The following TLE3 variants were observed in gnomAD, a reference collection of about 807,000 sequenced individuals.
The protein encoded by TLE3 is transducin-like enhancer protein 3.
TLE3 carries 14 observed loss-of-function variants against 93.0 expected under a neutral mutation model. The ratio of observed to expected loss-of-function variants is 0.15; its 90% CI spans 0.10 to 0.24. TLE3 has a LOEUF of 0.24. Among genes scored for constraint, TLE3 ranks in the 10% least tolerant of loss-of-function variants. TLE3 has a pLI of 1.00. For synonymous variants in TLE3, 451 were observed against 425.0 expected, an observed-to-expected ratio of 1.06 and a Z score of -0.75; for missense variants, 693 against 1,046.6, an observed-to-expected ratio of 0.66 and a Z score of 4.66.
At chr15:70,075,783 A>C (rs1274534997) in intron 5 of TLE3, among the ~76,000 whole-genome samples, 1 of 152,122 alleles carries the variant, frequency 6.6e-6, no homozygotes, top group Non-Finnish European at 1.5e-5. Flanking sequence ...TGGGGATGCT[A>C]GTTTGGATGG....
At chr15:70,072,813 A>G (rs1595934813) in intron 6 of TLE3, among the ~76,000 whole-genome samples, 1 of 152,240 alleles carries the variant, frequency 6.6e-6, no homozygotes, top group Admixed American at 6.5e-5. Context: ...ACAGGATGGC[A>G]AAGAATGATC....
chr15:70,096,414 A>AG (rs915765594), intron 1 of TLE3, 153 bp from the exon 2 acceptor site: 66 of 1,350,548 alleles, frequency 4.9e-5, no homozygotes, highest in Middle Eastern at 2.6e-4. Context: ...GACGGGGCGG[A>AG]GGGGGGGCGC....
At chr15:70,095,199 G>A (rs909148116) in intron 3 of TLE3, among the ~76,000 whole-genome samples, 5 of 152,208 alleles carry the variant, frequency 3.3e-5, no homozygotes, top group African/African-American at 1.2e-4. Context: ...CTCCCAGGAG[G>A]TCACTAAGAG....
At position 70,097,813 on chromosome 15, in the gene TLE3, CACCA is replaced by C. The variant is rs1219889973; in HGVS notation, c.-1019_-1016del. On this transcript the variant is annotated 5_prime_UTR_variant, in exon 1 of 20. Transcript: ENST00000451782. ...ACACGCGCGCACGCACACACACACA[CACCA>C]AAAAAAAAAGTGCCCCGGACCTACG... is the stretch of plus-strand genomic sequence containing the variant. 1.6e-3 allele frequency: 312 copies of C among 192,620 alleles called. 1 individual carries two copies. Among genetic ancestry groups the C allele is most frequent in the African/African-American group, 0.013 (96 of 7,394 alleles). 11.9% of individuals were successfully genotyped at this position (192,620 alleles called of 1,614,324 possible). A position where few individuals can be genotyped will look rare whatever the true frequency, so the allele number is the denominator to read the frequency against.
rs377334738 is a variant in TLE3, at chr15:70,095,911, C to T, written c.125+250G>A. The T allele has an allele frequency of 7.9e-6, 5 of 629,264 alleles. No individual in the cohort carries two copies. In the East Asian group the frequency reaches 1.1e-4, roughly 14 times the overall value. The allele number at this position is 629,264 out of a possible 1,614,324, so 39.0% of individuals were successfully genotyped here. A position where few individuals can be genotyped will look rare whatever the true frequency, so the allele number is the denominator to read the frequency against. On this transcript the variant is annotated intron_variant, in intron 2 of 19. Transcript: ENST00000451782. ...ACGCTGGCTCCCGACACCCAGAACCCGGAGTGAACCCGCTCGCCGCGACCT... is the reference window on the plus strand; with the variant it reads ...ACGCTGGCTCCCGACACCCAGAACCTGGAGTGAACCCGCTCGCCGCGACCT...
rs764204610 is a variant in TLE3 at position 70,058,136 on chromosome 15, C to A, written c.1051+23G>T. On this transcript the variant is annotated intron_variant, in intron 12 of 19. Coordinates refer to ENST00000451782, the MANE Select transcript of TLE3 (RefSeq NM_001105192.3). The surrounding 1 kb of genome is among the most constrained non-coding windows in gnomAD (Gnocchi z 4.1). Reference sequence around the variant, plus strand: ...CCTCCCCCCAATCAGATTAACCCAGCCCATGGTGCCTACCCATTATACCTA... The same window carrying A: ...CCTCCCCCCAATCAGATTAACCCAGACCATGGTGCCTACCCATTATACCTA... 24 of 1,613,770 alleles carry A rather than the reference C, an allele frequency of 1.5e-5. No individual in the cohort carries two copies. The highest frequency in any genetic ancestry group is 1.9e-5 in the Non-Finnish European group (22 of 1,179,832).
At chr15:70,060,103 T>C (rs907378070) in intron 9 of TLE3, among the ~76,000 whole-genome samples, 1 of 152,138 alleles carries the variant, frequency 6.6e-6, no homozygotes, top group East Asian at 1.9e-4. Flanking sequence ...GGCATCCCAT[T>C]AAAAGGCTAG....
At chr15:70,092,075 C>A (rs756355332) in intron 4 of TLE3, among the ~76,000 whole-genome samples, 2 of 142,568 alleles carry the variant, frequency 1.4e-5, no homozygotes, top group East Asian at 2.3e-4. Flanking sequence ...ATGAATAATT[C>A]AAGCACTCCA....
Position 70,058,368 on chromosome 15 carries a change from T to A in TLE3, c.919-77A>T. 1 of 1,525,208 alleles carries A rather than the reference T, an allele frequency of 6.6e-7. No individual in the cohort carries two copies. The highest frequency in any genetic ancestry group is 1.3e-5 in the South Asian group (1 of 76,596). The allele number at this position is 1,525,208 out of a possible 1,614,324, so 94.5% of individuals were successfully genotyped here. ...AGGAGCCGGGCACAACTGGTGCCGGTCCCAACGTGAAGCCCAGAGCCAGAC... is the reference window on the plus strand; with the variant it reads ...AGGAGCCGGGCACAACTGGTGCCGGACCCAACGTGAAGCCCAGAGCCAGAC... On this transcript the variant is annotated intron_variant, in intron 11 of 19. Coordinates refer to ENST00000451782, the MANE Select transcript of TLE3 (RefSeq NM_001105192.3). The surrounding 1 kb of genome is among the most constrained non-coding windows in gnomAD (Gnocchi z 4.1).
intron 4 of TLE3, among the ~76,000 whole-genome samples, chr15:70,088,458 GAAGA>G (rs2058139002): frequency 6.6e-6 from 1 of 152,304 alleles, no homozygotes; most frequent in East Asian, 1.9e-4. Flanking sequence ...AAAGCCAAAA[GAAGA>G]AAGGAAAAGG....
rs748735895 is a variant in TLE3, at chr15:70,096,870, G to A, written c.-72C>T. 2.2e-4 allele frequency: 352 copies of A among 1,566,822 alleles called. 3 individuals carry two copies. The highest frequency in any genetic ancestry group is 2.4e-4 in the Non-Finnish European group (277 of 1,153,942). ...CGGGCCGGGGAGGTGCGGGGGAGGG[G>A]GGAGCCGAGCCCGAGCGGGGGGCGG... On this transcript the variant is annotated 5_prime_UTR_variant, in exon 1 of 20. Coordinates refer to ENST00000451782, the MANE Select transcript of TLE3 (RefSeq NM_001105192.3).
rs1316238230 is a variant in TLE3, at chr15:70,097,049, G to A, written c.-251C>T. On this transcript the variant is annotated 5_prime_UTR_variant, in exon 1 of 20. Transcript: ENST00000451782. The stretch of plus-strand genomic sequence containing the variant: ...GGGCCGGGCGGCGGGCGCGGGCTTT[G>A]TGCGCCTAGGGCTCGGCGGGCAGCG... 2 of 552,934 alleles carry A rather than the reference G, an allele frequency of 3.6e-6. No homozygotes were observed. The highest frequency in any genetic ancestry group is 6.2e-6 in the Non-Finnish European group (2 of 322,026). The allele number at this position is 552,934 out of a possible 1,614,324, so 34.3% of individuals were successfully genotyped here.
intron 4 of TLE3, among the ~76,000 whole-genome samples, chr15:70,093,989 G>C (rs1168736186): frequency 6.6e-6 from 1 of 152,214 alleles, no homozygotes; most frequent in Admixed American, 6.5e-5. Flanking sequence ...CCTTGTCAAT[G>C]CAAGGCACTG....
At chr15:70,094,503 A>G (rs1202405128) in intron 4 of TLE3, 29 bp downstream of exon 4, 2 of 1,505,878 alleles carry the variant, frequency 1.3e-6, no homozygotes, top group East Asian at 4.9e-5. Context: ...AAAAAATGAA[A>G]TATATTTTTA....
At chr15:70,064,544 AG>A in intron 7 of TLE3, 74 bp from the exon 8 acceptor site, 1 of 1,602,534 alleles carries the variant, frequency 6.2e-7, no homozygotes, top group Non-Finnish European at 8.5e-7. Flanking sequence ...GAAAGGAAAA[AG>A]GTCAGTCTAA....
intron 4 of TLE3, among the ~76,000 whole-genome samples, chr15:70,091,368 T>C (rs1006755013): frequency 3.9e-5 from 6 of 152,270 alleles, no homozygotes; most frequent in African/African-American, 1.4e-4. Flanking sequence ...GCAATTGCTC[T>C]GGGGCCCCTG....
Position 70,062,074 on chromosome 15 carries a change from T to G in TLE3, c.595-1425A>C, listed in dbSNP as rs574010970. ...CGGCAACCAGCCTCAGAACTTAATT[T>G]CCTTTCCTAAGCCGGGTTCTGGGCA... On this transcript the variant is annotated intron_variant, in intron 8 of 19. Transcript: ENST00000451782. Among the ~76,000 whole-genome samples the G allele has an allele frequency of 3.9e-5, 6 of 152,286 alleles. No individual in the cohort carries two copies. In the East Asian group the frequency reaches 1.2e-3, roughly 29 times the overall value.
chr15:70,052,579 G>A (rs915707172), intron 17 of TLE3, 55 bp from the exon 18 acceptor site: 3 of 1,564,910 alleles, frequency 1.9e-6, no homozygotes, highest in Non-Finnish European at 2.6e-6. Context: ...GCCCTCAAGA[G>A]GAGGGCGGCT....
chr15:70,095,205 A>G lies in TLE3; in HGVS notation c.189+373T>C, dbSNP rs146706744. Among the ~76,000 whole-genome samples the G allele has an allele frequency of 2.6e-3, 393 of 152,334 alleles. 4 individuals are homozygous for G. Among genetic ancestry groups the G allele is most frequent in the African/African-American group, 9.2e-3 (381 of 41,576 alleles). The stretch of plus-strand genomic sequence containing the variant: ...TTCCAAACACTCCCAGGAGGTCACT[A>G]AGAGAGATTTTTACCAACCCTAATT... On this transcript the variant is annotated intron_variant, in intron 3 of 19. Coordinates refer to ENST00000451782, the MANE Select transcript of TLE3 (RefSeq NM_001105192.3).
Sources: allele counts gnomAD v4.1 joint callset (sites outside exome capture counted in the v4.1 genomes callset), GRCh38; gene constraint gnomAD v4.1.1; non-coding constraint Gnocchi (gnomAD v3.1); transcripts MANE v1.5; gene names NCBI Gene and HGNC (gene_info 2026-07-23, HGNC 2026-07-21).